The following PCAT7 variants were observed in gnomAD, a reference collection of about 807,000 sequenced individuals.
The protein encoded by PCAT7 is prostate cancer associated transcript 7 (non-protein coding).
At chr9:94,567,304 G>A (rs774922595) in intron 2 of PCAT7, 1 of 1,614,160 alleles carries the variant, frequency 6.2e-7, no homozygotes, top group South Asian at 1.1e-5. Flanking sequence ...ATATTCAGTG[G>A]TGGCCGCATC....
intron 3 of PCAT7, among the ~76,000 whole-genome samples, chr9:94,573,256 C>T (rs1417920062): frequency 6.6e-6 from 1 of 152,182 alleles, no homozygotes; most frequent in Non-Finnish European, 1.5e-5. Flanking sequence ...TTCTTGTTTT[C>T]TAAGACTTTC....
intron 2 of PCAT7, among the ~76,000 whole-genome samples, chr9:94,562,040 T>A (rs12683919): frequency 6.6e-6 from 1 of 151,988 alleles, no homozygotes; most frequent in Non-Finnish European, 1.5e-5. Context: ...CGCCGGGCGC[T>A]GTGACTCATA....
chr9:94,571,671 G>A lies in PCAT7; in HGVS notation n.442-1308G>A, dbSNP rs1443614096. 4 of 1,412,224 alleles carry A rather than the reference G, an allele frequency of 2.8e-6. No homozygotes were observed. In the African/African-American group the frequency reaches 4.3e-5, roughly 15 times the overall value. The allele number at this position is 1,412,224 out of a possible 1,614,324, so 87.5% of individuals were successfully genotyped here. Reference sequence around the variant, plus strand: ...GGAGAGAACACTTTGCCAGGGGCCTGGGCTTCAGATCTCCTCGAATCACTG... The same window carrying A: ...GGAGAGAACACTTTGCCAGGGGCCTAGGCTTCAGATCTCCTCGAATCACTG... On this transcript the variant is annotated intron_variant and non_coding_transcript_variant, in intron 2 of 8. Transcript: ENST00000647389.
chr9:94,565,063 A>C (rs1288419883), intron 2 of PCAT7, among the ~76,000 whole-genome samples: 2 of 152,192 alleles, frequency 1.3e-5, no homozygotes, highest in Non-Finnish European at 2.9e-5. Context: ...ATGTACAATT[A>C]TTATATGTCA....
intron 2 of PCAT7, chr9:94,569,387 G>C (rs1827240733): frequency 6.6e-6 from 1 of 152,188 alleles, no homozygotes; most frequent in Non-Finnish European, 1.5e-5. Flanking sequence ...TCACTTAATT[G>C]AGCCGGGGTC....
At chr9:94,563,531 C>G (rs574374436) in intron 2 of PCAT7, 1 of 1,565,440 alleles carries the variant, frequency 6.4e-7, no homozygotes, top group Non-Finnish European at 8.7e-7. Context: ...CTCGTGGTCA[C>G]AAGTCCAGTT....
exon 1 of PCAT7, chr9:94,555,121 T>G (rs1465489955): frequency 6.6e-6 from 1 of 151,250 alleles, no homozygotes. Context: ...ACGTTTTTTT[T>G]GTTGTTGTTT....
At chr9:94,559,022 G>A in exon 2 of PCAT7, 2 of 1,614,118 alleles carry the variant, frequency 1.2e-6, no homozygotes, top group East Asian at 2.2e-5. Flanking sequence ...GGACTCGCTG[G>A]TGAATTGCCT....
At chr9:94,558,447 A>AG (rs1827040567) in intron 1 of PCAT7, among the ~76,000 whole-genome samples, 1 of 151,960 alleles carries the variant, frequency 6.6e-6, no homozygotes, top group East Asian at 1.9e-4. Context: ...GGCGCCCGCC[A>AG]CCACGCCCGG....
intron 2 of PCAT7, chr9:94,563,559 C>T (rs1175515890): frequency 7.5e-7 from 1 of 1,341,000 alleles, no homozygotes; most frequent in Admixed American, 2.0e-5. Flanking sequence ...CCTCTGCCTT[C>T]TTGAATCCCT....
At chr9:94,571,959 ACT>A (rs1213924051) in intron 2 of PCAT7, among the ~76,000 whole-genome samples, 20 of 152,024 alleles carry the variant, frequency 1.3e-4, no homozygotes, top group African/African-American at 3.6e-4. Flanking sequence ...GCAGTGTCTC[ACT>A]CTGCACACTC....
At chr9:94,574,508 T>C (rs562502876) in intron 3 of PCAT7, among the ~76,000 whole-genome samples, 2 of 152,308 alleles carry the variant, frequency 1.3e-5, no homozygotes, top group African/African-American at 4.8e-5. Context: ...ATTCAACTTC[T>C]TGTTTATTTT....
At chr9:94,555,506 G>C (rs1366238209) in intron 1 of PCAT7, among the ~76,000 whole-genome samples, 1 of 150,892 alleles carries the variant, frequency 6.6e-6, no homozygotes, top group African/African-American at 2.4e-5. Flanking sequence ...AGGTTTTGCA[G>C]AAAGACGGTG....
rs754176336 is a variant in PCAT7 at position 94,563,431 on chromosome 9, C to T, written n.441+4279C>T. ...TGCACGTCAGCCACCATGGAGCCCA[C>T]ATACCTGGCCCCATAGGGAGCACTG... On this transcript the variant is annotated intron_variant and non_coding_transcript_variant, in intron 2 of 8. Transcript: ENST00000647389. 3 of 1,614,018 alleles carry T rather than the reference C, an allele frequency of 1.9e-6. No homozygotes were observed. The South Asian group carries it at 3.3e-5, about 18-fold the overall frequency.
At chr9:94,555,993 G>T (rs993289177) in intron 1 of PCAT7, among the ~76,000 whole-genome samples, 2 of 151,136 alleles carry the variant, frequency 1.3e-5, no homozygotes, top group Admixed American at 1.3e-4. Context: ...GGGAAATTTT[G>T]GGGGGTAGAT....
At chr9:94,568,512 A>G (rs1475849396) in intron 2 of PCAT7, 2 of 152,246 alleles carry the variant, frequency 1.3e-5, no homozygotes, top group Admixed American at 6.5e-5. Flanking sequence ...AACCAGATCC[A>G]TTTTGATGAA....
chr9:94,559,184 C>A, intron 2 of PCAT7: 1 of 1,520,010 alleles, frequency 6.6e-7, no homozygotes, highest in South Asian at 1.2e-5. Flanking sequence ...CCAAATGTCC[C>A]GAGCCATGCC....
At chr9:94,571,499 G>C (rs554337531) in intron 2 of PCAT7, 1 of 1,613,934 alleles carries the variant, frequency 6.2e-7, no homozygotes, top group Non-Finnish European at 8.5e-7. Flanking sequence ...TTGCCCTGTG[G>C]AGAGAGCCAC....
chr9:94,572,445 T>C (rs1160956199), intron 2 of PCAT7, among the ~76,000 whole-genome samples: 1 of 152,234 alleles, frequency 6.6e-6, no homozygotes, highest in Non-Finnish European at 1.5e-5. Context: ...ATTGTTGTGA[T>C]GTACGTAGAA....
Sources: gnomAD v4.1 joint callset for allele counts (sites outside exome capture counted in the v4.1 genomes callset) on GRCh38, gnomAD v4.1.1 for gene constraint, MANE v1.5 for transcripts, NCBI Gene and HGNC (gene_info 2026-07-23, HGNC 2026-07-21) for gene names.